The following GPHN variants were observed in gnomAD, a reference collection of about 807,000 sequenced individuals.
GPHN encodes the protein gephyrin.
In GPHN, 17 loss-of-function variants were observed where a neutral mutation model predicts 95.5. The observed-to-expected ratio is 0.18, with a 90% CI of 0.12 to 0.27. GPHN has a LOEUF of 0.27. GPHN is among the 10% of genes least tolerant of loss of function. The pLI is 1.00. For missense variants in GPHN, 660 were observed against 978.1 expected (o/e 0.67, Z 4.34); for synonymous variants, 320 against 322.5 (o/e 0.99, Z 0.08).
chr14:66,630,383 A>G (rs2063744523), intron 1 of GPHN, among the ~76,000 whole-genome samples: 1 of 152,202 alleles, frequency 6.6e-6, no homozygotes, highest in Non-Finnish European at 1.5e-5. Context: ...TAAAATAGAA[A>G]AACAGGGTGA....
chr14:67,164,111 A>T (rs2082125570), intron 19 of GPHN, among the ~76,000 whole-genome samples: 1 of 151,742 alleles, frequency 6.6e-6, no homozygotes, highest in African/African-American at 2.4e-5. Flanking sequence ...TCCACTAAAA[A>T]AACAAAATTA....
intron 1 of GPHN, among the ~76,000 whole-genome samples, chr14:66,599,957 A>C (rs1465152218): frequency 6.6e-6 from 1 of 152,008 alleles, no homozygotes; most frequent in African/African-American, 2.4e-5. Flanking sequence ...TGTCACTTGA[A>C]TTTTTAGCAG....
intron 5 of GPHN, among the ~76,000 whole-genome samples, chr14:66,892,847 A>G (rs577248213): frequency 2.8e-4 from 42 of 152,334 alleles, no homozygotes; most frequent in South Asian, 8.3e-4. Flanking sequence ...AATGTACTTA[A>G]TGCCACTGAA....
chr14:66,786,481 A>G (rs1256752538), intron 3 of GPHN, among the ~76,000 whole-genome samples: 1 of 152,058 alleles, frequency 6.6e-6, no homozygotes, highest in Admixed American at 6.5e-5. Flanking sequence ...AATTATCATC[A>G]GTTTTAGTCA....
At chr14:67,217,663 T>A in the GPHN span, among the ~76,000 whole-genome samples, 9 of 152,314 alleles carry the variant, frequency 5.9e-5, no homozygotes, top group African/African-American at 2.2e-4. Flanking sequence ...CTTGAGCATT[T>A]TTTGTAAGGC....
At chr14:66,912,550 T>C (rs1321474490) in intron 5 of GPHN, among the ~76,000 whole-genome samples, 1 of 152,126 alleles carries the variant, frequency 6.6e-6, no homozygotes, top group African/African-American at 2.4e-5. Context: ...TCAACTCGTA[T>C]TTAGTGTTTT....
chr14:66,754,919 T>C (rs1247240828), intron 2 of GPHN, among the ~76,000 whole-genome samples: 1 of 152,028 alleles, frequency 6.6e-6, no homozygotes, highest in Non-Finnish European at 1.5e-5. Flanking sequence ...TATGTTAACA[T>C]TGAACTATTT....
intron 9 of GPHN, chr14:66,969,109 T>C (rs1196810587): frequency 6.6e-6 from 1 of 152,164 alleles, no homozygotes; most frequent in Non-Finnish European, 1.5e-5. Context: ...TTATATTTTC[T>C]CCAGCAAATT....
chr14:66,750,703 C>G (rs1468925115), intron 2 of GPHN, among the ~76,000 whole-genome samples: 1 of 151,820 alleles, frequency 6.6e-6, no homozygotes, highest in Non-Finnish European at 1.5e-5. Flanking sequence ...TGTATTTTAT[C>G]AATGCTGAAA....
At chr14:67,033,338 C>T (rs113124000) in intron 10 of GPHN, among the ~76,000 whole-genome samples, 82 of 152,126 alleles carry the variant, frequency 5.4e-4, no homozygotes, top group African/African-American at 1.7e-3. Flanking sequence ...CCAAGGCAGG[C>T]GGATCACTTG....
chr14:66,757,353 C>CACACATACAT (rs56021330), intron 2 of GPHN, among the ~76,000 whole-genome samples: 47,139 of 151,604 alleles, frequency 0.31, 11,243 homozygotes, highest in African/African-American at 0.65. Flanking sequence ...CACGCACACA[C>CACACATACAT]ACACACACAA....
At chr14:67,430,315 C>T in the GPHN span, among the ~76,000 whole-genome samples, 3 of 152,080 alleles carry the variant, frequency 2.0e-5, no homozygotes, top group Non-Finnish European at 4.4e-5. Flanking sequence ...AACATACGGG[C>T]CTAGGGAGGA....
At position 66,918,578 on chromosome 14, in the gene GPHN, T is replaced by A. The variant is rs369480238; in HGVS notation, c.456+2509T>A. Reference sequence around the variant, plus strand: ...TTTACTGCTAGACACGAAAGCTTTGTGTGAAATCTTGAATTAATGGGGAGA... The same window carrying A: ...TTTACTGCTAGACACGAAAGCTTTGAGTGAAATCTTGAATTAATGGGGAGA... On this transcript the variant is annotated intron_variant, in intron 6 of 22. Transcript: ENST00000478722. Among the ~76,000 whole-genome samples, 7 of 152,308 alleles carry A rather than the reference T, an allele frequency of 4.6e-5. No individual in the cohort carries two copies. The East Asian group carries it at 1.4e-3, about 29-fold the overall frequency.
intron 1 of GPHN, among the ~76,000 whole-genome samples, chr14:66,564,203 C>T (rs927887288): frequency 6.6e-6 from 1 of 152,018 alleles, no homozygotes; most frequent in African/African-American, 2.4e-5. Flanking sequence ...ATTTTATGGA[C>T]TAGTAAAATG....
intron 4 of GPHN, among the ~76,000 whole-genome samples, chr14:66,834,257 A>C (rs930624853): frequency 1.3e-5 from 2 of 152,178 alleles, no homozygotes; most frequent in Admixed American, 6.6e-5. Flanking sequence ...TCTACCAGGC[A>C]CAGACTTACC....
chr14:66,777,534 A>C (rs2059429329), intron 3 of GPHN, among the ~76,000 whole-genome samples: 1 of 152,196 alleles, frequency 6.6e-6, no homozygotes, highest in Admixed American at 6.5e-5. Context: ...AGAGAATTTT[A>C]GACCAATATC....
chr14:67,735,109 A>G, the GPHN span: 3 of 781,374 alleles, frequency 3.8e-6, no homozygotes, highest in Non-Finnish European at 7.0e-6. Flanking sequence ...AAGAATGCAA[A>G]AGAAAACAAT....
chr14:67,523,808 G>A, the GPHN span, among the ~76,000 whole-genome samples: 13 of 152,180 alleles, frequency 8.5e-5, no homozygotes, highest in African/African-American at 2.4e-4. Context: ...AAGAACAGAC[G>A]TGGGAAGGGG....
chr14:66,801,114 TA>T (rs2060332338), intron 3 of GPHN, among the ~76,000 whole-genome samples: 1 of 152,222 alleles, frequency 6.6e-6, no homozygotes, highest in Admixed American at 6.5e-5. Context: ...GTCTTGAATT[TA>T]TTCTTGAGTT....
Sources: gnomAD v4.1 joint callset for allele counts (sites outside exome capture counted in the v4.1 genomes callset) on GRCh38, gnomAD v4.1.1 for gene constraint, MANE v1.5 for transcripts, NCBI Gene and HGNC (gene_info 2026-07-23, HGNC 2026-07-21) for gene names.